The following PDE8B variants were observed in gnomAD, a reference collection of about 807,000 sequenced individuals.
PDE8B encodes the protein high affinity cAMP-specific and IBMX-insensitive 3',5'-cyclic phosphodiesterase 8B.
A neutral mutation model predicts 101.3 loss-of-function variants in PDE8B; 26 were observed. The ratio of observed to expected loss-of-function variants is 0.26; its 90% CI spans 0.19 to 0.36. The LOEUF (loss-of-function observed/expected upper bound fraction) is 0.36, where lower values mean the gene tolerates loss of function less well. PDE8B is among the 10% of genes least tolerant of loss of function. The pLI is 1.00. For synonymous variants in PDE8B, 424 were observed against 429.3 expected (o/e 0.99, Z 0.15); for missense variants, 810 against 1,163.1 (o/e 0.70, Z 4.42).
intron 1 of PDE8B, among the ~76,000 whole-genome samples, chr5:77,231,934 C>T (rs1244258296): frequency 3.3e-5 from 5 of 152,226 alleles, no homozygotes; most frequent in African/African-American, 1.2e-4. Context: ...CAGTGCCTCC[C>T]ACTGGTCACA....
the PDE8B span, among the ~76,000 whole-genome samples, chr5:77,194,617 C>A: frequency 3.9e-5 from 6 of 152,160 alleles, no homozygotes; most frequent in African/African-American, 1.4e-4. Flanking sequence ...CCTTTACATT[C>A]CCCAGCCCCT....
the PDE8B span, among the ~76,000 whole-genome samples, chr5:77,193,149 A>T: frequency 1.3e-5 from 2 of 152,164 alleles, no homozygotes; most frequent in Non-Finnish European, 2.9e-5. Flanking sequence ...AGATATCTTT[A>T]AAAGAGCAGA....
At chr5:77,396,835 A>C (rs1346028729) in intron 10 of PDE8B, among the ~76,000 whole-genome samples, 2 of 152,006 alleles carry the variant, frequency 1.3e-5, no homozygotes, top group Non-Finnish European at 2.9e-5. Flanking sequence ...TTAATTACAT[A>C]TATTAACTAC....
At chr5:77,328,504 C>A (rs1373697240) in intron 3 of PDE8B, among the ~76,000 whole-genome samples, 1 of 152,130 alleles carries the variant, frequency 6.6e-6, no homozygotes, top group African/African-American at 2.4e-5. Context: ...CTCTTTGTAC[C>A]ACCTTTAATT....
intron 11 of PDE8B, among the ~76,000 whole-genome samples, chr5:77,400,917 T>C (rs1329212267): frequency 6.6e-6 from 1 of 152,230 alleles, no homozygotes; most frequent in African/African-American, 2.4e-5. Context: ...TTTTTGTGCC[T>C]GCAAGAATTG....
chr5:77,403,078 G>A (rs1792646093), intron 11 of PDE8B, among the ~76,000 whole-genome samples: 3 of 152,144 alleles, frequency 2.0e-5, no homozygotes, highest in Admixed American at 1.3e-4. Flanking sequence ...ACTCGCTTAT[G>A]AGTTACTCTC....
chr5:77,209,801 G>A (rs1413866709), upstream of PDE8B, among the ~76,000 whole-genome samples: 1 of 152,222 alleles, frequency 6.6e-6, no homozygotes, highest in African/African-American at 2.4e-5. Context: ...GTGAAAATGG[G>A]GGAGAAAGCC....
intron 1 of PDE8B, among the ~76,000 whole-genome samples, chr5:77,294,710 A>G (rs2149981417): frequency 6.6e-6 from 1 of 151,624 alleles, no homozygotes; most frequent in Non-Finnish European, 1.5e-5. Flanking sequence ...TATAAGAGTG[A>G]ATAAACAGTG....
intron 10 of PDE8B, among the ~76,000 whole-genome samples, chr5:77,370,534 CCA>C (rs1784906714): frequency 6.6e-6 from 1 of 152,176 alleles, no homozygotes; most frequent in African/African-American, 2.4e-5. Flanking sequence ...CATGGATATA[CCA>C]CAGTTTGTTT....
Position 77,418,358 on chromosome 5 carries a change from A to G in PDE8B, c.2041A>G (p.Thr681Ala). Residue 681 changes from threonine to alanine, a missense_variant, in exon 18 of 22, where the codon ACT (threonine) becomes GCT (alanine). By Grantham distance (58) the Thr-to-Ala change is moderately conservative (BLOSUM62 0). Around this residue, in one of 4 missense-constraint regions of PDE8B, gnomAD observed 325 missense variants for 560.9 expected, o/e 0.58. Coordinates refer to ENST00000264917, the MANE Select transcript of PDE8B (RefSeq NM_003719.5). ...GSELAVLYND[T>A]AVLESHHTAL... ...TGAGCTTGCTGTGCTCTACAATGAC[A>G]CTGCTGTTCTGGAGAGTCACCACAC... The G allele has an allele frequency of 6.2e-7, 1 of 1,613,942 alleles. No homozygotes were observed. The highest frequency in any genetic ancestry group is 8.5e-7 in the Non-Finnish European group (1 of 1,179,856).
At chr5:77,420,498 C>A (rs1327195775) in intron 19 of PDE8B, among the ~76,000 whole-genome samples, 1 of 151,972 alleles carries the variant, frequency 6.6e-6, no homozygotes, top group Non-Finnish European at 1.5e-5. Flanking sequence ...GTTCATAACC[C>A]CATAAAGGTA....
intron 20 of PDE8B, among the ~76,000 whole-genome samples, chr5:77,424,730 A>G (rs1797550293): frequency 6.6e-6 from 1 of 152,190 alleles, no homozygotes; most frequent in South Asian, 2.1e-4. Context: ...TTACAGAGAC[A>G]TGTACTTCGA....
chr5:77,101,523 A>G, the PDE8B span, among the ~76,000 whole-genome samples: 1 of 152,120 alleles, frequency 6.6e-6, no homozygotes, highest in Admixed American at 6.5e-5. Flanking sequence ...CTGAGTCATC[A>G]CCCTTATGAA....
At chr5:77,282,419 G>A (rs527334214) in intron 1 of PDE8B, among the ~76,000 whole-genome samples, 10 of 152,238 alleles carry the variant, frequency 6.6e-5, no homozygotes, top group African/African-American at 2.4e-4. Context: ...CTGCCCCTTG[G>A]ACAGTCAGGG....
the PDE8B span, among the ~76,000 whole-genome samples, chr5:77,194,549 T>A: frequency 2.0e-5 from 3 of 152,178 alleles, no homozygotes; most frequent in Non-Finnish European, 4.4e-5. Flanking sequence ...GGAATTTTTT[T>A]AATCACTCCA....
chr5:77,417,116 C>T (rs955178065), intron 17 of PDE8B, among the ~76,000 whole-genome samples: 2 of 152,126 alleles, frequency 1.3e-5, no homozygotes, highest in Non-Finnish European at 2.9e-5. Context: ...CCATCAGCCT[C>T]GCATGGCTAC....
At chr5:77,218,754 A>T (rs1750383183) in intron 1 of PDE8B, among the ~76,000 whole-genome samples, 1 of 152,208 alleles carries the variant, frequency 6.6e-6, no homozygotes, top group Non-Finnish European at 1.5e-5. Flanking sequence ...ACAGTGCCTG[A>T]CACTTTGTAA....
intron 1 of PDE8B, among the ~76,000 whole-genome samples, chr5:77,303,258 C>T (rs1393400349): frequency 1.3e-5 from 2 of 152,146 alleles, no homozygotes; most frequent in Admixed American, 6.5e-5. Flanking sequence ...ATAGGTCATA[C>T]GCTGAGTGTG....
At chr5:77,309,961 T>TTTTTTC (rs1772201671) in intron 1 of PDE8B, among the ~76,000 whole-genome samples, 1 of 140,228 alleles carries the variant, frequency 7.1e-6, no homozygotes, top group Non-Finnish European at 1.5e-5. Flanking sequence ...TTTTTTTTTT[T>TTTTTTC]TTTTTGAGAT....
Sources: allele counts gnomAD v4.1 joint callset (sites outside exome capture counted in the v4.1 genomes callset), GRCh38; gene constraint gnomAD v4.1.1; regional missense constraint gnomAD v4.1.1; transcripts MANE v1.5; gene names NCBI Gene and HGNC (gene_info 2026-07-23, HGNC 2026-07-21).